The following LETMD1 variants were observed in gnomAD, a reference collection of about 807,000 sequenced individuals.
LETMD1 encodes LETM1 domain containing 1.
A neutral mutation model predicts 43.9 loss-of-function variants in LETMD1; 30 were observed. That is an observed-to-expected ratio of 0.68 (90% CI 0.51 to 0.93). LETMD1 has a LOEUF of 0.93. Among genes scored for constraint, LETMD1 ranks in the 40% least tolerant of loss-of-function variants. The probability of loss-of-function intolerance (pLI) is 0.00; values close to 1 mark genes in which losing one functional copy is unlikely to be tolerated. For missense variants in LETMD1, 413 were observed against 447.7 expected (o/e 0.92, Z 0.70); for synonymous variants, 176 against 163.1 (o/e 1.08, Z -0.60).
In LETMD1 at chr12:51,059,342, A is replaced by T. The variant is rs776919661; in HGVS notation, c.1013-19A>T. The T allele has an allele frequency of 5.0e-6, 8 of 1,612,730 alleles. No homozygotes were observed. In the African/African-American group the frequency reaches 5.3e-5, roughly 11 times the overall value. ...TAAGGCAGTGTTCCCAAGCCAAACC[A>T]CTAACACTGTGTTTTCAGAAGCTGA... On this transcript the variant is annotated intron_variant, in intron 8 of 8. Coordinates refer to ENST00000262055, the MANE Select transcript of LETMD1 (RefSeq NM_015416.5).
chr12:51,051,148 G>A (rs1055401027), intron 2 of LETMD1, among the ~76,000 whole-genome samples: 2 of 152,180 alleles, frequency 1.3e-5, no homozygotes, highest in East Asian at 1.9e-4. Flanking sequence ...GCTCACGCCT[G>A]TAATCCTAGC....
chr12:51,065,422 T>C (rs1413051845), downstream of LETMD1, among the ~76,000 whole-genome samples: 2 of 152,172 alleles, frequency 1.3e-5, no homozygotes, highest in Admixed American at 1.3e-4. Context: ...AAACCACAAG[T>C]AAGCAAATAA....
chr12:51,056,438 A>C lies in LETMD1; in HGVS notation c.851A>C (p.His284Pro), dbSNP rs766156811. The change falls in exon 7 of 9, where the codon CAC becomes CCC. Residue 284 changes from histidine (H) to proline (P), a missense_variant. Physicochemically the swap from His to Pro is moderately conservative, Grantham distance 77. Coordinates refer to ENST00000262055, the MANE Select transcript of LETMD1 (RefSeq NM_015416.5). Reference protein sequence around the residue: ...HRLKTHTTVIHQLDKALAKLG... With the variant: ...HRLKTHTTVIPQLDKALAKLG... Reference sequence around the variant, plus strand: ...TTGAAGACTCATACAACTGTGATTCACCAACTGGACAAGGCTTTGGCAAAG... The same window carrying C: ...TTGAAGACTCATACAACTGTGATTCCCCAACTGGACAAGGCTTTGGCAAAG... 12 of 1,613,962 alleles carry C rather than the reference A, an allele frequency of 7.4e-6. No individual in the cohort carries two copies. In the Admixed American group the frequency reaches 1.7e-4, roughly 22 times the overall value.
At chr12:51,062,657 G>T (rs753965992), downstream of LETMD1, 3 of 152,132 alleles carry the variant, frequency 2.0e-5, no homozygotes, top group African/African-American at 7.2e-5. Flanking sequence ...TCTTGGAATT[G>T]AACTGGAACA....
At chr12:51,053,884 C>G (rs752282742) in intron 4 of LETMD1, 24 bp downstream of exon 4, 2 of 1,463,154 alleles carry the variant, frequency 1.4e-6, no homozygotes, top group Admixed American at 1.9e-5. Context: ...TCCATCTCCC[C>G]AACATCTTGA....
chr12:51,066,389 G>T, the LETMD1 span, among the ~76,000 whole-genome samples: 1 of 150,416 alleles, frequency 6.6e-6, no homozygotes, highest in Non-Finnish European at 1.5e-5. Context: ...GGAGGCAGAG[G>T]TTGCAGCGAG....
Position 51,053,874 on chromosome 12 carries a change from T to C in LETMD1, c.473+14T>C. On this transcript the variant is annotated intron_variant, in intron 4 of 8. Coordinates refer to ENST00000262055, the MANE Select transcript of LETMD1 (RefSeq NM_015416.5). ...CTTCTTGCTAATGTGAGTACAGACT[T>C]CCATCTCCCCAACATCTTGAAGATG... 1 of 1,531,370 alleles carries C rather than the reference T, an allele frequency of 6.5e-7. No individual in the cohort carries two copies. Among genetic ancestry groups the C allele is most frequent in the Non-Finnish European group, 9.0e-7 (1 of 1,111,866 alleles). 94.9% of individuals were successfully genotyped at this position (1,531,370 alleles called of 1,614,324 possible).
downstream of LETMD1, chr12:51,064,561 T>C (rs1937908930): frequency 6.2e-7 from 1 of 1,613,128 alleles, no homozygotes; most frequent in Non-Finnish European, 8.5e-7. Flanking sequence ...AGCTTCATAA[T>C]GGTGTGGAGG....
chr12:51,048,840 T>C, intron 1 of LETMD1, 194 bp from the exon 2 acceptor site: 1 of 618,062 alleles, frequency 1.6e-6, no homozygotes, highest in Admixed American at 3.0e-5. Context: ...GTTACTTTCC[T>C]GCCTGGCCTT....
rs528517736 is a variant in LETMD1, at chr12:51,055,989, C to T, written c.628C>T (p.Leu210Phe). The stretch of plus-strand genomic sequence containing the variant: ...CATCCCTCTCATTTCTGATGCAGGA[C>T]TCCGGTGGCGTCTGACAGATCTGTG... ...KVIPLISDAG[L>F]RWRLTDLCTK... The change falls in exon 5 of 9, where the codon CTC (leucine) becomes TTC (phenylalanine). Residue 210 changes from leucine to phenylalanine, a missense_variant. Leu to Phe is a conservative substitution (Grantham distance 22). Transcript: ENST00000262055. The T allele has an allele frequency of 2.5e-6, 4 of 1,614,080 alleles. No homozygotes were observed. Among genetic ancestry groups the T allele is most frequent in the Middle Eastern group, 1.6e-4 (1 of 6,062 alleles).
chr12:51,061,157 T>TAACA (rs761379067), downstream of LETMD1: 3 of 152,266 alleles, frequency 2.0e-5, no homozygotes, highest in African/African-American at 7.2e-5. Context: ...ATCCTTTTTC[T>TAACA]AACAAGTAAC....
downstream of LETMD1, chr12:51,063,739 G>C: frequency 1.3e-6 from 2 of 1,532,082 alleles, no homozygotes; most frequent in Non-Finnish European, 1.8e-6. Context: ...AGGACCTCTA[G>C]CGCCTGTCAC....
chr12:51,048,321 G>T, upstream of LETMD1: 1 of 1,613,824 alleles, frequency 6.2e-7, no homozygotes, highest in South Asian at 1.1e-5. Flanking sequence ...TTGACCCAAA[G>T]ACAACCTCTT....
chr12:51,049,223 T>C (rs555013955), intron 2 of LETMD1, 38 bp downstream of exon 2: 3 of 1,582,956 alleles, frequency 1.9e-6, no homozygotes, highest in African/African-American at 2.7e-5. Flanking sequence ...CGGAATCAGC[T>C]CTTGGGCAGG....
chr12:51,049,047 C>T lies in LETMD1; in HGVS notation c.136C>T (p.His46Tyr). The change falls in exon 2 of 9, where the codon CAC becomes TAC. Residue 46 changes from histidine to tyrosine, a missense_variant. His to Tyr is a moderately conservative substitution (Grantham distance 83, BLOSUM62 2). Coordinates refer to ENST00000262055, the MANE Select transcript of LETMD1 (RefSeq NM_015416.5). ...TCTTCCTTGTAGGTCTTCAAAGCTT[C>T]ACCTTTCTCCAAAGGCAGATGTGAA... is the stretch of plus-strand genomic sequence containing the variant. ...AWGAPRSSKL[H>Y]LSPKADVKNL... 1 of 1,613,954 alleles carries T rather than the reference C, an allele frequency of 6.2e-7. No individual in the cohort carries two copies.
intron 4 of LETMD1, 53 bp from the exon 5 acceptor site, chr12:51,055,782 C>A: frequency 7.5e-7 from 1 of 1,340,638 alleles, no homozygotes; most frequent in Non-Finnish European, 1.0e-6. Context: ...CTTTGGCTTC[C>A]TCTGAAAGAA....
intron 4 of LETMD1, among the ~76,000 whole-genome samples, chr12:51,055,280 A>G (rs1041846850): frequency 2.0e-5 from 3 of 152,090 alleles, no homozygotes; most frequent in African/African-American, 4.8e-5. Context: ...GTGGCAGGCT[A>G]TTCTGCTAGT....
chr12:51,057,108 C>T (rs1947949367), intron 7 of LETMD1, among the ~76,000 whole-genome samples: 2 of 152,026 alleles, frequency 1.3e-5, no homozygotes, highest in Admixed American at 6.6e-5. Context: ...AGTGGTGGCA[C>T]ATGCCTGTAA....
chr12:51,063,697 A>C, downstream of LETMD1: 1 of 1,390,136 alleles, frequency 7.2e-7, no homozygotes, highest in Non-Finnish European at 9.6e-7. Context: ...GTTAGATAAA[A>C]TAAGGGAATA....
Sources: allele counts gnomAD v4.1 joint callset (sites outside exome capture counted in the v4.1 genomes callset), GRCh38; gene constraint gnomAD v4.1.1; transcripts MANE v1.5; gene names NCBI Gene and HGNC (gene_info 2026-07-23, HGNC 2026-07-21).